The following GPC1 variants were observed in gnomAD, a reference collection of about 807,000 sequenced individuals.
The protein encoded by GPC1 is glypican-1.
A neutral mutation model predicts 51.5 loss-of-function variants in GPC1; 26 were observed. The observed-to-expected ratio is 0.50, with a 90% CI of 0.37 to 0.70. GPC1 has a LOEUF of 0.70. Ranked by LOEUF, GPC1 falls within the 30% of genes least tolerant of loss-of-function variation. GPC1 has a pLI of 0.00. For synonymous variants in GPC1, 380 were observed against 348.3 expected, an observed-to-expected ratio of 1.09 and a Z score of -1.01; for missense variants, 775 against 800.5, an observed-to-expected ratio of 0.97 and a Z score of 0.38.
chr2:240,453,299 C>G (rs1431911838), intron 1 of GPC1, among the ~76,000 whole-genome samples: 3 of 13,840 alleles, frequency 2.2e-4, no homozygotes, highest in Non-Finnish European at 4.6e-4. Flanking sequence ...ATCCCGGCGT[C>G]CCCGCCCCGC....
chr2:240,449,974 T>C, intron 1 of GPC1: 1 of 462,072 alleles, frequency 2.2e-6, no homozygotes, highest in Admixed American at 2.4e-5. Context: ...ACATCGTTTC[T>C]ACCTTCCGGC....
At position 240,451,002 on chromosome 2, in the gene GPC1, CTGGGTG is replaced by C. The variant is rs144038193; in HGVS notation, c.167-8027_167-8022del. On this transcript the variant is annotated intron_variant, in intron 1 of 8. Transcript: ENST00000264039. ...TGGGTGGGGTGACTGGGTGGAGTGA[CTGGGTG>C]GTGGGGGTGGGCGCAGGGAGAGCCA... The C allele has an allele frequency of 1.6e-3, 655 of 409,732 alleles. 2 individuals are homozygous for C. The highest frequency in any genetic ancestry group is 0.012 in the African/African-American group (596 of 47,978). The allele number at this position is 409,732 out of a possible 1,614,324, so 25.4% of individuals were successfully genotyped here.
In GPC1 at chr2:240,464,900, C is replaced by A; in HGVS notation, c.1059C>A (p.Pro353=). The change falls in exon 6 of 9, where the codon CCC becomes CCA. Residue 353 remains proline (P), a synonymous_variant. Transcript: ENST00000264039. ...CGNPKVNPQG[P]GPEEKRRRGK... ...ACCCCAAGGTCAACCCCCAGGGCCC[C>A]GGGCCTGAGGAGAAGCGGCGCCGGG... 6.4e-7 allele frequency: 1 copy of A among 1,550,900 alleles called. No homozygotes were observed. Among genetic ancestry groups the A allele is most frequent in the Non-Finnish European group, 8.7e-7 (1 of 1,147,262 alleles).
At chr2:240,437,152 C>T (rs1216276131) in intron 1 of GPC1, among the ~76,000 whole-genome samples, 1 of 152,168 alleles carries the variant, frequency 6.6e-6, no homozygotes, top group South Asian at 2.1e-4. Context: ...GAGGGCTACT[C>T]AGATGGGGAC....
intron 1 of GPC1, chr2:240,458,324 A>C (rs1046585476): frequency 1.8e-5 from 5 of 277,438 alleles, no homozygotes; most frequent in Non-Finnish European, 2.2e-5. Context: ...CTCTGATGGC[A>C]GTGCCGCTGT....
chr2:240,453,692 T>A (rs1263908738), intron 1 of GPC1, among the ~76,000 whole-genome samples: 3 of 96,178 alleles, frequency 3.1e-5, no homozygotes, highest in Non-Finnish European at 6.4e-5. Flanking sequence ...CAGTGCCCCC[T>A]CCTCGCCGGG....
At chr2:240,443,972 T>A (rs2074033771) in intron 1 of GPC1, among the ~76,000 whole-genome samples, 1 of 152,200 alleles carries the variant, frequency 6.6e-6, no homozygotes, top group African/African-American at 2.4e-5. Flanking sequence ...TGGGCCTGGC[T>A]AGCAGGGGTG....
chr2:240,446,058 AC>A lies in GPC1; in HGVS notation c.166+9975del, dbSNP rs202157769. Among the ~76,000 whole-genome samples the A allele has an allele frequency of 7.9e-5, 12 of 152,368 alleles. No homozygotes were observed. In the East Asian group the frequency reaches 2.1e-3, roughly 27 times the overall value. ...GCGTCTGCGGCTTCACCAATGGGCA[AC>A]GGGGCCCACGGCACAGAGAAAGTCC... On this transcript the variant is annotated intron_variant, in intron 1 of 8. Transcript: ENST00000264039.
intron 4 of GPC1, 90 bp downstream of exon 4, chr2:240,463,602 C>A: frequency 8.9e-7 from 1 of 1,125,144 alleles, no homozygotes; most frequent in Non-Finnish European, 1.3e-6. Flanking sequence ...TAGCTTAGAG[C>A]TTGGACCCAG....
In GPC1 at chr2:240,463,415, C is replaced by A; in HGVS notation, c.786C>A (p.Val262=). 1 of 1,612,306 alleles carries A rather than the reference C, an allele frequency of 6.2e-7. No individual in the cohort carries two copies. The highest frequency in any genetic ancestry group is 8.5e-7 in the Non-Finnish European group (1 of 1,179,314). ...KLVYCAHCLG[V]PGARPCPDYC... is the part of the protein sequence containing the mutation. ...TCTACTGTGCTCACTGCCTGGGAGT[C>A]CCCGGCGCCAGGCCCTGCCCTGACT... Residue 262 remains valine (V), a synonymous_variant, in exon 4 of 9, where the codon GTC becomes GTA. Transcript: ENST00000264039.
intron 1 of GPC1, chr2:240,452,849 G>A (rs1212725067): frequency 1.5e-5 from 3 of 205,084 alleles, no homozygotes; most frequent in Non-Finnish European, 2.9e-5. Flanking sequence ...GGGTGGCTGC[G>A]GCCAGAGTCT....
At position 240,462,450 on chromosome 2, in the gene GPC1, G is replaced by A. The variant is rs1282038727; in HGVS notation, c.585G>A (p.Gln195=). Reference sequence around the variant, plus strand: ...ACTACCTGGACTGCCTGGGCAAGCAGGCCGAGGCGCTGCGGCCCTTCGGGG... The same window carrying A: ...ACTACCTGGACTGCCTGGGCAAGCAAGCCGAGGCGCTGCGGCCCTTCGGGG... The part of the protein sequence containing the change: ...PDDYLDCLGK[Q]AEALRPFGEA... The change falls in exon 3 of 9, where the codon CAG becomes CAA. Residue 195 remains glutamine, a synonymous_variant. Transcript: ENST00000264039. 6.2e-7 allele frequency: 1 copy of A among 1,606,016 alleles called. No homozygotes were observed. Among genetic ancestry groups the A allele is most frequent in the South Asian group, 1.1e-5 (1 of 90,282 alleles).
intron 1 of GPC1, among the ~76,000 whole-genome samples, chr2:240,453,671 G>A (rs1392727481): frequency 1.5e-5 from 2 of 133,914 alleles, no homozygotes; most frequent in African/African-American, 2.8e-5. Flanking sequence ...TCCCCGCCGC[G>A]CCCACTGCAC....
chr2:240,453,531 C>A (rs1292710884), intron 1 of GPC1, among the ~76,000 whole-genome samples: 5 of 138,238 alleles, frequency 3.6e-5, no homozygotes, highest in Non-Finnish European at 6.3e-5. Flanking sequence ...GCCGTCGCAG[C>A]CCTTCGAGCC....
At chr2:240,465,901 C>T (rs925278410) in intron 8 of GPC1, among the ~76,000 whole-genome samples, 157 bp from the exon 9 acceptor site, 7 of 152,256 alleles carry the variant, frequency 4.6e-5, no homozygotes, top group African/African-American at 9.6e-5. Context: ...GAGTGAGAGT[C>T]TCCCAGCCTC....
In GPC1 at chr2:240,459,233, C is replaced by T. The variant is rs765798393; in HGVS notation, c.325+45C>T. On this transcript the variant is annotated intron_variant, in intron 2 of 8. Coordinates refer to ENST00000264039, the MANE Select transcript of GPC1 (RefSeq NM_002081.3). ...GCTCGGGGCCCGCAGGGTGCCGGTG[C>T]ATCGGGGGAGGGGCACACTGGGCCT... The T allele has an allele frequency of 1.5e-5, 24 of 1,571,684 alleles. No individual in the cohort carries two copies. The South Asian group carries it at 2.4e-4, about 16-fold the overall frequency.
rs1314227535 is a variant in GPC1, at chr2:240,464,985, C to T, written c.1134+10C>T. 1.3e-6 allele frequency: 2 copies of T among 1,559,006 alleles called. No individual in the cohort carries two copies. Among genetic ancestry groups the T allele is most frequent in the East Asian group, 2.4e-5 (1 of 41,770 alleles). ...CACGCTGGAGAAGCTGGTGAGTGGC[C>T]CCTGCGTGTCCACTGGACCAGGCAT... On this transcript the variant is annotated intron_variant, in intron 6 of 8. Coordinates refer to ENST00000264039, the MANE Select transcript of GPC1 (RefSeq NM_002081.3).
chr2:240,443,879 G>C (rs115839497), intron 1 of GPC1, among the ~76,000 whole-genome samples: 5 of 152,344 alleles, frequency 3.3e-5, no homozygotes, highest in Non-Finnish European at 5.9e-5. Flanking sequence ...TCCCAGAGAG[G>C]GGTTCCCAGG....
Position 240,466,390 on chromosome 2 carries a change from G to A in GPC1, c.*100G>A, listed in dbSNP as rs1419992462. 4 of 706,150 alleles carry A rather than the reference G, an allele frequency of 5.7e-6. No individual in the cohort carries two copies. The highest frequency in any genetic ancestry group is 9.7e-6 in the Non-Finnish European group (4 of 411,828). The allele number at this position is 706,150 out of a possible 1,614,324, so 43.7% of individuals were successfully genotyped here. Reference sequence around the variant, plus strand: ...CCTCAGCCTGGAGAGGCCTGGGGTGGGACAGGGAGGGCCGGCGGCTCTGAG... The same window carrying A: ...CCTCAGCCTGGAGAGGCCTGGGGTGAGACAGGGAGGGCCGGCGGCTCTGAG... On this transcript the variant is annotated 3_prime_UTR_variant, in exon 9 of 9. Transcript: ENST00000264039.
Sources: gnomAD v4.1 joint callset for allele counts (sites outside exome capture counted in the v4.1 genomes callset) on GRCh38, gnomAD v4.1.1 for gene constraint, MANE v1.5 for transcripts, NCBI Gene and HGNC (gene_info 2026-07-23, HGNC 2026-07-21) for gene names.